The following UNC5D variants were observed in gnomAD, a reference collection of about 807,000 sequenced individuals.
The protein encoded by UNC5D is unc-5 netrin receptor D, also known as netrin receptor UNC5D.
UNC5D carries 39 observed loss-of-function variants against 105.4 expected under a neutral mutation model. That is an observed-to-expected ratio of 0.37 (90% CI 0.29 to 0.48). The LOEUF (loss-of-function observed/expected upper bound fraction) is 0.48. UNC5D is among the 20% of genes least tolerant of loss of function. UNC5D has a pLI of 0.98. For missense variants in UNC5D, 991 were observed against 1,202.4 expected (o/e 0.82, Z 2.60); for synonymous variants, 452 against 450.4 (o/e 1.00, Z -0.04).
At chr8:35,588,674 C>A (rs958707006) in intron 3 of UNC5D, among the ~76,000 whole-genome samples, 3 of 152,254 alleles carry the variant, frequency 2.0e-5, no homozygotes, top group African/African-American at 7.2e-5. Flanking sequence ...GGCACAGTGT[C>A]CAGTGGGAGT....
intron 1 of UNC5D, among the ~76,000 whole-genome samples, chr8:35,515,451 G>A (rs900627652): frequency 2.0e-5 from 3 of 152,276 alleles, no homozygotes; most frequent in Admixed American, 6.5e-5. Flanking sequence ...TTGGGAGACC[G>A]AGGTGGGCGA....
intron 1 of UNC5D, among the ~76,000 whole-genome samples, chr8:35,435,115 A>G (rs1475180841): frequency 6.6e-6 from 1 of 151,956 alleles, no homozygotes; most frequent in East Asian, 1.9e-4. Flanking sequence ...GGAGTTTTTA[A>G]TCTTTTTTGT....
At chr8:35,602,944 G>A (rs6468322) in intron 4 of UNC5D, among the ~76,000 whole-genome samples, 69,512 of 145,410 alleles carry the variant, frequency 0.48, 19,645 homozygotes, top group African/African-American at 0.81. Flanking sequence ...TCATTGTTCA[G>A]TTCCCATCTA....
In UNC5D at chr8:35,791,178, A is replaced by G. The variant is rs1803023965; in HGVS notation, c.*615A>G. On this transcript the variant is annotated 3_prime_UTR_variant, in exon 17 of 17. Coordinates refer to ENST00000404895, the MANE Select transcript of UNC5D (RefSeq NM_080872.4). ...ACACAATGGAGAGGTAAGACAGACCACAAACTAGTTCTTATAGTGTACTCC... is the reference window on the plus strand; with the variant it reads ...ACACAATGGAGAGGTAAGACAGACCGCAAACTAGTTCTTATAGTGTACTCC... 1 of 157,864 alleles carries G rather than the reference A, an allele frequency of 6.3e-6. No homozygotes were observed. The highest frequency in any genetic ancestry group is 1.9e-4 in the South Asian group (1 of 5,308). 9.8% of individuals were successfully genotyped at this position (157,864 alleles called of 1,614,324 possible).
chr8:35,579,371 TAATAA>T (rs1440317175), intron 3 of UNC5D, among the ~76,000 whole-genome samples: 2 of 152,146 alleles, frequency 1.3e-5, no homozygotes, highest in East Asian at 3.9e-4. Context: ...GCACGATAAT[TAATAA>T]AATATTGTCC....
At chr8:35,532,386 C>T (rs1490842552) in intron 1 of UNC5D, among the ~76,000 whole-genome samples, 5 of 140,954 alleles carry the variant, frequency 3.5e-5, no homozygotes, top group Non-Finnish European at 7.7e-5. Flanking sequence ...CCACTCTCTT[C>T]TGGCTTGTAG....
chr8:35,728,034 C>T (rs371695020), intron 10 of UNC5D, among the ~76,000 whole-genome samples: 342 of 120,470 alleles, frequency 2.8e-3, no homozygotes, highest in Middle Eastern at 6.5e-3. Context: ...TCTAGGAATT[C>T]GAGACCAGCG....
intron 1 of UNC5D, among the ~76,000 whole-genome samples, chr8:35,330,462 T>C (rs1810526308): frequency 6.6e-6 from 1 of 152,162 alleles, no homozygotes; most frequent in Non-Finnish European, 1.5e-5. Context: ...CCAGAAGTGG[T>C]GACTAGAAAA....
At chr8:35,540,444 G>GGTGT (rs11467586) in intron 1 of UNC5D, among the ~76,000 whole-genome samples, 13,628 of 142,722 alleles carry the variant, frequency 0.095, 648 homozygotes, top group South Asian at 0.12. Flanking sequence ...AAAGCAGAGG[G>GGTGT]GTGTGTGTGT....
At chr8:35,601,731 C>T (rs1317445562) in intron 4 of UNC5D, among the ~76,000 whole-genome samples, 5 of 152,196 alleles carry the variant, frequency 3.3e-5, no homozygotes, top group Non-Finnish European at 5.9e-5. Context: ...AATATACAGT[C>T]ATGTCATCTG....
intron 13 of UNC5D, among the ~76,000 whole-genome samples, chr8:35,754,396 T>A (rs1044051728): frequency 1.1e-4 from 16 of 152,360 alleles, no homozygotes; most frequent in African/African-American, 3.4e-4. Context: ...GCAGTGCATC[T>A]TTCATATCTC....
chr8:35,565,185 TTTACTGATTTACGC>T (rs2130771859), intron 2 of UNC5D, among the ~76,000 whole-genome samples: 1 of 152,280 alleles, frequency 6.6e-6, no homozygotes, highest in East Asian at 1.9e-4. Context: ...CAACAGAGGT[TTTACTGATTTACGC>T]TTACAATAGT....
At chr8:35,551,544 G>T (rs1816139891) in intron 2 of UNC5D, among the ~76,000 whole-genome samples, 1 of 152,136 alleles carries the variant, frequency 6.6e-6, no homozygotes, top group Non-Finnish European at 1.5e-5. Context: ...GGGGAGCCGG[G>T]TGCGGTGGCT....
intron 1 of UNC5D, among the ~76,000 whole-genome samples, chr8:35,532,979 G>T (rs1355466755): frequency 7.1e-6 from 1 of 140,440 alleles, no homozygotes; most frequent in African/African-American, 2.8e-5. Flanking sequence ...CAACTTCTTT[G>T]CCTTTGGTTT....
intron 1 of UNC5D, among the ~76,000 whole-genome samples, chr8:35,373,572 C>T (rs759007141): frequency 2.0e-4 from 31 of 152,042 alleles, no homozygotes; most frequent in African/African-American, 4.6e-4. Context: ...ATCTCTGGTG[C>T]GATAAAGCTG....
chr8:35,430,173 G>T (rs1161373478), intron 1 of UNC5D, among the ~76,000 whole-genome samples: 2 of 152,192 alleles, frequency 1.3e-5, no homozygotes, highest in East Asian at 1.9e-4. Context: ...CCTCCAAGGA[G>T]GAGAGAGGAG....
intron 1 of UNC5D, among the ~76,000 whole-genome samples, chr8:35,320,170 A>G (rs1349528019): frequency 6.6e-6 from 1 of 151,968 alleles, no homozygotes; most frequent in African/African-American, 2.4e-5. Flanking sequence ...TGTAAGATGT[A>G]TATTGGTTTG....
At chr8:35,281,488 G>T (rs1308277718) in intron 1 of UNC5D, among the ~76,000 whole-genome samples, 2 of 150,590 alleles carry the variant, frequency 1.3e-5, no homozygotes, top group Admixed American at 1.3e-4. Flanking sequence ...CGCCCAGGCT[G>T]GAGTGCAGTG....
At chr8:35,750,422 T>A (rs898098788) in intron 12 of UNC5D, among the ~76,000 whole-genome samples, 160 bp from the exon 13 acceptor site, 18 of 152,198 alleles carry the variant, frequency 1.2e-4, no homozygotes, top group African/African-American at 4.3e-4. Flanking sequence ...CAGCAGTTAT[T>A]TTGATAGAAG....
Sources: allele counts gnomAD v4.1 joint callset (sites outside exome capture counted in the v4.1 genomes callset), GRCh38; gene constraint gnomAD v4.1.1; transcripts MANE v1.5; gene names NCBI Gene and HGNC (gene_info 2026-07-23, HGNC 2026-07-21).